The following C2orf76 variants were observed in gnomAD, a reference collection of about 807,000 sequenced individuals.
C2orf76 encodes chromosome 2 open reading frame 76.
C2orf76 carries 23 observed loss-of-function variants against 16.9 expected under a neutral mutation model. That is an observed-to-expected ratio of 1.36 (90% CI 0.98 to 1.93). The LOEUF is 1.93. Among genes scored for constraint, C2orf76 ranks in the 30% most tolerant of loss-of-function variants. C2orf76 has a pLI of 0.00. For synonymous variants in C2orf76, 48 were observed against 52.3 expected, an observed-to-expected ratio of 0.92 and a Z score of 0.35; for missense variants, 152 against 152.6, an observed-to-expected ratio of 1.00 and a Z score of 0.02.
intron 1 of C2orf76, among the ~76,000 whole-genome samples, chr2:119,351,312 AG>A (rs1180350284): frequency 6.6e-6 from 1 of 152,222 alleles, no homozygotes; most frequent in Non-Finnish European, 1.5e-5. Context: ...TCCTGCGCCT[AG>A]GAACACTTGA....
chr2:119,341,339 C>T (rs937623424), intron 1 of C2orf76, among the ~76,000 whole-genome samples: 1 of 152,154 alleles, frequency 6.6e-6, no homozygotes, highest in African/African-American at 2.4e-5. Flanking sequence ...GCAATGCTTA[C>T]ATGCCAGATA....
chr2:119,365,866 A>T (rs1176552276), intron 1 of C2orf76, among the ~76,000 whole-genome samples: 1 of 151,850 alleles, frequency 6.6e-6, no homozygotes, highest in Non-Finnish European at 1.5e-5. Context: ...CCCTTTTACG[A>T]TTTCCCATCT....
intron 4 of C2orf76, among the ~76,000 whole-genome samples, chr2:119,315,269 AT>A (rs1296047782): frequency 6.6e-6 from 1 of 152,090 alleles, no homozygotes; most frequent in Non-Finnish European, 1.5e-5. Context: ...ATGGGAAGAA[AT>A]TTCTGAGGAT....
chr2:119,357,833 C>A (rs1222705400), intron 1 of C2orf76, among the ~76,000 whole-genome samples: 1 of 152,066 alleles, frequency 6.6e-6, no homozygotes, highest in African/African-American at 2.4e-5. Flanking sequence ...CACAGAAAAT[C>A]CCAAGAATTC....
intron 1 of C2orf76, among the ~76,000 whole-genome samples, chr2:119,345,889 G>A (rs993282662): frequency 1.3e-4 from 19 of 151,750 alleles, no homozygotes; most frequent in African/African-American, 3.9e-4. Context: ...GTGAAACCCC[G>A]TCTCTACTAA....
At chr2:119,343,130 A>T (rs1680088630) in intron 1 of C2orf76, among the ~76,000 whole-genome samples, 2 of 152,198 alleles carry the variant, frequency 1.3e-5, no homozygotes, top group Admixed American at 1.3e-4. Context: ...TCTGAATCTT[A>T]TAAGCATGTT....
At chr2:119,347,520 G>C (rs1558794148) in intron 1 of C2orf76, among the ~76,000 whole-genome samples, 1 of 152,098 alleles carries the variant, frequency 6.6e-6, no homozygotes. Context: ...ATGATGACCT[G>C]TATTTGCTTT....
At chr2:119,340,085 A>C (rs1482170390) in intron 1 of C2orf76, 114 bp from the exon 2 acceptor site, 1 of 1,182,264 alleles carries the variant, frequency 8.5e-7, no homozygotes, top group Non-Finnish European at 1.2e-6. Context: ...TCCATGCTGC[A>C]TGATCACTGA....
chr2:119,350,076 G>GCCCCCCCC (rs1344357904), intron 1 of C2orf76, among the ~76,000 whole-genome samples: 5 of 32,854 alleles, frequency 1.5e-4, no homozygotes, highest in Non-Finnish European at 2.1e-4. Flanking sequence ...ACCGCCCCCC[G>GCCCCCCCC]CCCCCCCACC....
chr2:119,348,886 C>T (rs1003943715), intron 1 of C2orf76, among the ~76,000 whole-genome samples: 9 of 152,108 alleles, frequency 5.9e-5, no homozygotes, highest in Admixed American at 6.6e-5. Context: ...AGTTGCGGGG[C>T]TGAGGTGGGA....
intron 2 of C2orf76, among the ~76,000 whole-genome samples, chr2:119,327,924 T>C (rs1679560911): frequency 6.6e-6 from 1 of 152,242 alleles, no homozygotes; most frequent in Non-Finnish European, 1.5e-5. Flanking sequence ...CCATTCATGA[T>C]GGATATTGGC....
chr2:119,337,227 T>G (rs1312270103), intron 2 of C2orf76, among the ~76,000 whole-genome samples: 1 of 114,048 alleles, frequency 8.8e-6, no homozygotes. Context: ...GCTAGTTTTT[T>G]GGGGTTTTGT....
intron 2 of C2orf76, among the ~76,000 whole-genome samples, chr2:119,332,117 AC>A (rs1305751705): frequency 6.6e-6 from 1 of 152,198 alleles, no homozygotes; most frequent in African/African-American, 2.4e-5. Flanking sequence ...ACATTTCAAT[AC>A]AAAAATCAAT....
At chr2:119,312,885 G>A (rs572191111) in intron 4 of C2orf76, among the ~76,000 whole-genome samples, 11 of 152,172 alleles carry the variant, frequency 7.2e-5, no homozygotes, top group African/African-American at 9.6e-5. Context: ...AAAATTAGCC[G>A]GGAGCGGTGG....
intron 1 of C2orf76, among the ~76,000 whole-genome samples, chr2:119,353,178 G>A (rs898370667): frequency 6.6e-6 from 1 of 152,090 alleles, no homozygotes. Flanking sequence ...AAAAAATGTT[G>A]TTTAAGGCCA....
intron 3 of C2orf76, among the ~76,000 whole-genome samples, chr2:119,320,928 T>G (rs1248738576): frequency 6.6e-6 from 1 of 152,158 alleles, no homozygotes; most frequent in African/African-American, 2.4e-5. Flanking sequence ...GCAGAGAAAC[T>G]CGTTTTAAAC....
chr2:119,332,851 C>T (rs1257528793), intron 2 of C2orf76, among the ~76,000 whole-genome samples: 1 of 152,204 alleles, frequency 6.6e-6, no homozygotes, highest in East Asian at 1.9e-4. Context: ...CCATCTCAGC[C>T]TCCCAAGTAA....
the C2orf76 span, among the ~76,000 whole-genome samples, chr2:119,291,248 T>C: frequency 1.3e-5 from 2 of 151,938 alleles, no homozygotes; most frequent in South Asian, 2.1e-4. Context: ...GGCAGGTATC[T>C]AGAATATTCT....
intron 1 of C2orf76, among the ~76,000 whole-genome samples, chr2:119,346,226 T>C (rs1680198141): frequency 6.6e-6 from 1 of 152,100 alleles, no homozygotes; most frequent in Non-Finnish European, 1.5e-5. Context: ...AAAAAGAATA[T>C]GGCAATTTCT....
Sources: allele counts gnomAD v4.1 joint callset (sites outside exome capture counted in the v4.1 genomes callset), GRCh38; gene constraint gnomAD v4.1.1; transcripts MANE v1.5; gene names NCBI Gene and HGNC (gene_info 2026-07-23, HGNC 2026-07-21).